SPAG16: variants seen among roughly 807,000 people sequenced by gnomAD.
The protein encoded by SPAG16 is sperm associated antigen 16, also known as sperm-associated antigen 16 protein.
SPAG16 carries 86 observed loss-of-function variants against 80.4 expected under a neutral mutation model. The ratio of observed to expected loss-of-function variants is 1.07; its 90% CI spans 0.90 to 1.28. The LOEUF is 1.28. Ranked by LOEUF, SPAG16 falls within the 50% of genes most tolerant of loss-of-function variation. The pLI, the probability that SPAG16 is intolerant of heterozygous loss-of-function variation, is 0.00. For missense variants in SPAG16, 870 were observed against 765.3 expected (o/e 1.14, Z -1.61); for synonymous variants, 294 against 265.9 (o/e 1.11, Z -1.03).
Position 213,915,130 on chromosome 2 carries a change from T to C in SPAG16, c.1215-14830T>C, listed in dbSNP as rs536671772. Among the ~76,000 whole-genome samples the C allele has an allele frequency of 2.3e-4, 18 of 79,268 alleles. No homozygotes were observed. The East Asian group carries it at 4.4e-3, about 19-fold the overall frequency. The allele number at this position is 79,268 out of a possible 152,430, so 52.0% of individuals were successfully genotyped here. A position where few individuals can be genotyped will look rare whatever the true frequency, so the allele number is the denominator to read the frequency against. On this transcript the variant is annotated intron_variant, in intron 11 of 15. Coordinates refer to ENST00000331683, the MANE Select transcript of SPAG16 (RefSeq NM_024532.5). ...TGTGCAGGGGAACTCCCCCCACCTCTTTTTTTTTTTTAATTATACTTTAAT... is the reference window on the plus strand; with the variant it reads ...TGTGCAGGGGAACTCCCCCCACCTCCTTTTTTTTTTTAATTATACTTTAAT...
intron 15 of SPAG16, among the ~76,000 whole-genome samples, chr2:214,324,341 T>C (rs1696325215): frequency 6.6e-6 from 1 of 152,174 alleles, no homozygotes; most frequent in South Asian, 2.1e-4. Flanking sequence ...TATTTCAATA[T>C]TGATGCAGGA....
At chr2:214,260,981 C>T (rs1198538004) in intron 15 of SPAG16, among the ~76,000 whole-genome samples, 3 of 151,614 alleles carry the variant, frequency 2.0e-5, no homozygotes, top group Non-Finnish European at 4.4e-5. Flanking sequence ...GTGGTGGGCA[C>T]CTGTAATGCA....
intron 15 of SPAG16, among the ~76,000 whole-genome samples, chr2:214,323,312 G>A (rs896021365): frequency 8.0e-6 from 1 of 124,684 alleles, no homozygotes; most frequent in East Asian, 2.3e-4. Flanking sequence ...CCATTTACTT[G>A]TGAGATTAAA....
chr2:213,955,667 TGTATTATTAGCTATAA>T (rs2044082165), intron 12 of SPAG16, among the ~76,000 whole-genome samples: 1 of 152,136 alleles, frequency 6.6e-6, no homozygotes, highest in Admixed American at 6.5e-5. Flanking sequence ...CTTGGATTTC[TGTATTATTAGCTATAA>T]GTCTACTCAG....
chr2:214,327,268 T>C (rs1696563950), intron 15 of SPAG16, among the ~76,000 whole-genome samples: 1 of 152,100 alleles, frequency 6.6e-6, no homozygotes, highest in African/African-American at 2.4e-5. Flanking sequence ...AAAGAGGAAG[T>C]AGTTAAGAAT....
chr2:213,648,825 A>T (rs146174040), intron 10 of SPAG16, among the ~76,000 whole-genome samples: 94 of 152,320 alleles, frequency 6.2e-4, no homozygotes, highest in Middle Eastern at 3.4e-3. Flanking sequence ...CTCAGGTCAC[A>T]TGCTAGTTCT....
chr2:213,751,253 C>T (rs2068064932), intron 10 of SPAG16, among the ~76,000 whole-genome samples: 2 of 151,968 alleles, frequency 1.3e-5, no homozygotes, highest in South Asian at 4.1e-4. Flanking sequence ...AAAACCTGGT[C>T]ATAACCTAGT....
intron 12 of SPAG16, among the ~76,000 whole-genome samples, chr2:214,005,579 T>G (rs1470896190): frequency 6.6e-6 from 1 of 152,168 alleles, no homozygotes; most frequent in African/African-American, 2.4e-5. Flanking sequence ...GTGAATCTTA[T>G]GGTAGAGCTT....
chr2:213,869,095 T>C (rs989145950), intron 11 of SPAG16, among the ~76,000 whole-genome samples: 2 of 150,784 alleles, frequency 1.3e-5, no homozygotes, highest in African/African-American at 2.4e-5. Context: ...CTACTAAAAA[T>C]ACCAAAAATT....
intron 15 of SPAG16, among the ~76,000 whole-genome samples, chr2:214,283,761 C>G (rs1324265700): frequency 1.3e-5 from 2 of 152,184 alleles, no homozygotes; most frequent in African/African-American, 4.8e-5. Flanking sequence ...TTTAAGTACA[C>G]ATATAACACT....
intron 10 of SPAG16, among the ~76,000 whole-genome samples, chr2:213,512,950 T>C (rs183827339): frequency 4.1e-4 from 62 of 152,170 alleles, no homozygotes; most frequent in Non-Finnish European, 6.6e-4. Context: ...TCCATACATA[T>C]TAATTTTGTC....
chr2:214,209,257 T>C (rs36045589), intron 15 of SPAG16, among the ~76,000 whole-genome samples: 3,749 of 152,114 alleles, frequency 0.025, 166 homozygotes, highest in East Asian at 0.18. Context: ...TAACTAAAAC[T>C]CTAGATAGGA....
chr2:213,678,716 T>C (rs2064226932), intron 10 of SPAG16, among the ~76,000 whole-genome samples: 1 of 152,172 alleles, frequency 6.6e-6, no homozygotes, highest in African/African-American at 2.4e-5. Context: ...CCAGTCACTG[T>C]TCCTAGAGCA....
chr2:214,222,815 C>T (rs1046386849), intron 15 of SPAG16, among the ~76,000 whole-genome samples: 1 of 152,138 alleles, frequency 6.6e-6, no homozygotes, highest in Non-Finnish European at 1.5e-5. Flanking sequence ...CTATAAAATG[C>T]TCTCTGGATG....
At chr2:213,603,927 T>G (rs1574461754) in intron 10 of SPAG16, among the ~76,000 whole-genome samples, 1 of 139,982 alleles carries the variant, frequency 7.1e-6, no homozygotes, top group East Asian at 1.9e-4. Flanking sequence ...ACTTCCTGGT[T>G]TTTTTTTTTT....
chr2:213,740,703 G>C (rs2067507938), intron 10 of SPAG16, among the ~76,000 whole-genome samples: 1 of 152,230 alleles, frequency 6.6e-6, no homozygotes, highest in Non-Finnish European at 1.5e-5. Flanking sequence ...AACCTCCTCA[G>C]TGAGAGGCTG....
chr2:213,700,545 C>T (rs998997815), intron 10 of SPAG16, among the ~76,000 whole-genome samples: 5 of 152,134 alleles, frequency 3.3e-5, no homozygotes, highest in African/African-American at 1.2e-4. Flanking sequence ...TAGAATGTTA[C>T]TTACATCTTA....
intron 10 of SPAG16, among the ~76,000 whole-genome samples, chr2:213,658,215 T>TAA (rs146584289): frequency 0.059 from 9,031 of 152,142 alleles, 874 homozygotes; most frequent in African/African-American, 0.2. Flanking sequence ...TAAGCCCTCC[T>TAA]GTTCTTCTCT....
intron 1 of SPAG16, among the ~76,000 whole-genome samples, chr2:213,294,892 T>C (rs2062436053): frequency 6.6e-6 from 1 of 152,220 alleles, no homozygotes; most frequent in South Asian, 2.1e-4. Flanking sequence ...TGGAACCTTA[T>C]GCCTCTGATT....
Sources: gnomAD v4.1 joint callset for allele counts (sites outside exome capture counted in the v4.1 genomes callset) on GRCh38, gnomAD v4.1.1 for gene constraint, MANE v1.5 for transcripts, NCBI Gene and HGNC (gene_info 2026-07-23, HGNC 2026-07-21) for gene names.